Variants in ITM2B observed in about 807,000 individuals in gnomAD.
The protein encoded by ITM2B is ABri/ADan amyloid peptide.
ITM2B carries 11 observed loss-of-function variants against 27.8 expected under a neutral mutation model. The ratio of observed to expected loss-of-function variants is 0.40; its 90% confidence interval spans 0.25 to 0.66. The LOEUF (loss-of-function observed/expected upper bound fraction) is 0.66. Among genes scored for constraint, ITM2B ranks in the 30% least tolerant of loss-of-function variants. The pLI is 0.43. For synonymous variants in ITM2B, 114 were observed against 114.3 expected (o/e 1.00, Z 0.02); for missense variants, 296 against 328.9 (o/e 0.90, Z 0.77).
intron 2 of ITM2B, among the ~76,000 whole-genome samples, chr13:48,255,356 A>G (rs928768295): frequency 1.3e-5 from 2 of 151,940 alleles, no homozygotes; most frequent in Non-Finnish European, 2.9e-5. Context: ...CGGTGGTGCA[A>G]TCACAGCTCA....
At chr13:48,258,089 G>A (rs142488680) in intron 3 of ITM2B, 37 bp from the exon 4 acceptor site, 2 of 972,400 alleles carry the variant, frequency 2.1e-6, no homozygotes, top group Non-Finnish European at 3.4e-6. Flanking sequence ...GTTTTTGCAA[G>A]TATTACTGTA....
At chr13:48,250,184 G>A (rs893962361) in intron 1 of ITM2B, among the ~76,000 whole-genome samples, 1 of 152,106 alleles carries the variant, frequency 6.6e-6, no homozygotes, top group Non-Finnish European at 1.5e-5. Context: ...TGCTGAACTA[G>A]GCTACTGCTC....
chr13:48,245,718 A>AT (rs1002060982), intron 1 of ITM2B, among the ~76,000 whole-genome samples: 12 of 151,330 alleles, frequency 7.9e-5, no homozygotes, highest in African/African-American at 2.7e-4. Flanking sequence ...ATATTGCAGG[A>AT]TTTTTTAACA....
intron 1 of ITM2B, among the ~76,000 whole-genome samples, chr13:48,250,222 G>A (rs889351117): frequency 1.3e-4 from 20 of 152,240 alleles, no homozygotes; most frequent in African/African-American, 3.9e-4. Flanking sequence ...TTTGTTTTAC[G>A]TTATGAATTA....
intron 1 of ITM2B, among the ~76,000 whole-genome samples, chr13:48,244,543 A>G (rs905896913): frequency 5.9e-5 from 9 of 152,220 alleles, no homozygotes; most frequent in Non-Finnish European, 1.5e-5. Context: ...TTTTCTCTTA[A>G]CTATCCACAT....
chr13:48,240,412 G>A (rs1020382098), intron 1 of ITM2B, among the ~76,000 whole-genome samples: 1 of 151,992 alleles, frequency 6.6e-6, no homozygotes, highest in Admixed American at 6.6e-5. Flanking sequence ...TCACCATGTT[G>A]GCCCGGTTGG....
At position 48,261,278 on chromosome 13, in the gene ITM2B, C is replaced by A; in HGVS notation, c.*54C>A. 2 of 1,215,468 alleles carry A rather than the reference C, an allele frequency of 1.6e-6. No individual in the cohort carries two copies. The highest frequency in any genetic ancestry group is 1.2e-5 in the South Asian group (1 of 81,044). The allele number at this position is 1,215,468 out of a possible 1,614,324, so 75.3% of individuals were successfully genotyped here. ...ATTAATATCACAGCATAACCCCACC[C>A]TTTACATTTTGTGCAGTGATTATTT... On this transcript the variant is annotated 3_prime_UTR_variant, in exon 6 of 6. Transcript: ENST00000647800.
At chr13:48,246,264 T>C (rs566612054) in intron 1 of ITM2B, among the ~76,000 whole-genome samples, 9 of 152,352 alleles carry the variant, frequency 5.9e-5, no homozygotes, top group Admixed American at 1.3e-4. Flanking sequence ...CTCACAAATA[T>C]AGAGAGCAGC....
intron 3 of ITM2B, among the ~76,000 whole-genome samples, chr13:48,257,353 A>AT (rs377435490): frequency 5.4e-4 from 82 of 152,258 alleles, no homozygotes; most frequent in African/African-American, 1.9e-3. Context: ...TGTCCCAAGA[A>AT]TTTTTTGTTT....
At chr13:48,242,859 TC>T (rs563474356) in intron 1 of ITM2B, among the ~76,000 whole-genome samples, 167 of 152,326 alleles carry the variant, frequency 1.1e-3, no homozygotes, top group African/African-American at 3.8e-3. Context: ...CTGCTGTCAT[TC>T]ATTTTCATTC....
intron 1 of ITM2B, 93 bp downstream of exon 1, chr13:48,233,570 C>G: frequency 2.8e-6 from 2 of 721,334 alleles, no homozygotes. Flanking sequence ...AGGTGGCGGG[C>G]GCGGGGCTCG....
chr13:48,240,479 C>T (rs772092516), intron 1 of ITM2B, among the ~76,000 whole-genome samples: 1 of 152,106 alleles, frequency 6.6e-6, no homozygotes, highest in Non-Finnish European at 1.5e-5. Flanking sequence ...GTTTTCTCTC[C>T]TCATCATTCT....
At position 48,266,287 on chromosome 13, in the gene ITM2B, G is replaced by T. The variant is rs1416711551; in HGVS notation, c.*5063G>T. ...TTTAGTTTTGGCCTCATATAAGCTT[G>T]CAGCCCTGCCTGAAACAGTTGTCTC... On this transcript the variant is annotated 3_prime_UTR_variant, in exon 6 of 6. Coordinates refer to ENST00000647800, the MANE Select transcript of ITM2B (RefSeq NM_021999.5). 1 of 152,058 alleles carries T rather than the reference G, an allele frequency of 6.6e-6. No homozygotes were observed. The allele number at this position is 152,058 out of a possible 1,614,324, so 9.4% of individuals were successfully genotyped here.
intron 1 of ITM2B, among the ~76,000 whole-genome samples, chr13:48,237,861 G>T (rs762105223): frequency 6.6e-6 from 1 of 151,994 alleles, no homozygotes; most frequent in African/African-American, 2.4e-5. Flanking sequence ...AAAGCTTCTT[G>T]TACTGCTTTG....
intron 1 of ITM2B, among the ~76,000 whole-genome samples, chr13:48,242,588 C>A (rs996655697): frequency 1.3e-5 from 2 of 152,020 alleles, no homozygotes; most frequent in African/African-American, 2.4e-5. Context: ...AAAAATCTTA[C>A]GTGTCTCAGA....
intron 1 of ITM2B, among the ~76,000 whole-genome samples, chr13:48,245,629 C>T (rs892133406): frequency 6.6e-6 from 1 of 151,182 alleles, no homozygotes; most frequent in Non-Finnish European, 1.5e-5. Context: ...GTTCAAGTTT[C>T]ATAGATTTCT....
intron 1 of ITM2B, among the ~76,000 whole-genome samples, chr13:48,233,813 A>G (rs1238602719): frequency 1.3e-5 from 2 of 152,122 alleles, no homozygotes; most frequent in African/African-American, 4.8e-5. Flanking sequence ...ACCGGCAGCG[A>G]CAGGCACAAC....
chr13:48,242,146 T>TA (rs538279753), intron 1 of ITM2B, among the ~76,000 whole-genome samples: 251 of 152,370 alleles, frequency 1.6e-3, no homozygotes, highest in African/African-American at 5.7e-3. Context: ...GTTAAATTGA[T>TA]ATTTAGTGTT....
intron 1 of ITM2B, among the ~76,000 whole-genome samples, chr13:48,243,792 GGGTGACAGA>G (rs1382065723): frequency 6.6e-6 from 1 of 151,768 alleles, no homozygotes; most frequent in Non-Finnish European, 1.5e-5. Context: ...ACTCTAGCTG[GGGTGACAGA>G]GCAAGACCCT....
Sources: allele counts gnomAD v4.1 joint callset (sites outside exome capture counted in the v4.1 genomes callset), GRCh38; gene constraint gnomAD v4.1.1; transcripts MANE v1.5; gene names NCBI Gene and HGNC (gene_info 2026-07-23, HGNC 2026-07-21).